Variants in THOC1 observed in about 807,000 individuals in gnomAD.
THOC1 encodes the protein THO complex subunit 1.
Under a neutral mutation model 97.3 loss-of-function variants are expected in THOC1, and 29 were observed. The ratio of observed to expected loss-of-function variants is 0.30; its 90% CI spans 0.22 to 0.41. The LOEUF is 0.41. Among genes scored for constraint, THOC1 ranks in the 10% least tolerant of loss-of-function variants. The probability of loss-of-function intolerance (pLI) is 1.00; values close to 1 mark genes in which losing one functional copy is unlikely to be tolerated. For synonymous variants in THOC1, 255 were observed against 257.0 expected, an observed-to-expected ratio of 0.99 and a Z score of 0.07; for missense variants, 529 against 761.9, an observed-to-expected ratio of 0.69 and a Z score of 3.60.
At position 242,523 on chromosome 18, in the gene THOC1, T is replaced by C. The variant is rs1911943699; in HGVS notation, c.918+3801A>G. 6.6e-6 allele frequency among the ~76,000 whole-genome samples: 1 copy of C among 152,166 alleles called. No individual in the cohort carries two copies. Among genetic ancestry groups the C allele is most frequent in the Admixed American group, 6.5e-5 (1 of 15,282 alleles). ...CTAAGGAAAAGTCTGACCAGATTCA[T>C]GTAACAAAACACAATGCTTCTGGAT... On this transcript the variant is annotated intron_variant, in intron 11 of 20. Coordinates refer to ENST00000261600, the MANE Select transcript of THOC1 (RefSeq NM_005131.3). The surrounding 1 kb of genome is among the most constrained non-coding windows in gnomAD (Gnocchi z 4.5).
intron 11 of THOC1, among the ~76,000 whole-genome samples, chr18:239,983 A>C (rs1409651088): frequency 2.2e-5 from 2 of 90,120 alleles, no homozygotes; most frequent in Non-Finnish European, 4.8e-5. Flanking sequence ...AAGGTCTATT[A>C]ACATTTAAAA....
In THOC1 at chr18:267,966, C is replaced by G. The variant is rs1355381559; in HGVS notation, c.54G>C (p.Thr18=). ...FSLPEARTRF[T]KSTREALNNK... The stretch of plus-strand genomic sequence containing the variant: ...CTGCACCCTCCCCTCTACAGCTCAC[C>G]GTAAACCGCGTCCGCGCTTCGGGCA... The change falls in exon 1 of 21, where the codon ACG becomes ACC. Residue 18 remains threonine (T), a splice_region_variant and synonymous_variant. Transcript: ENST00000261600. The G allele has an allele frequency of 6.2e-7, 1 of 1,611,790 alleles. No homozygotes were observed. The highest frequency in any genetic ancestry group is 8.5e-7 in the Non-Finnish European group (1 of 1,179,168).
At position 246,533 on chromosome 18, in the gene THOC1, G is replaced by T. The variant is rs1450740567; in HGVS notation, c.787-78C>A. On this transcript the variant is annotated intron_variant, in intron 10 of 20. Transcript: ENST00000261600. ...GTGCTTTTCTGCATCAAAATGCCTA[G>T]AATTTACTCCCAGTCAATCATGTAT... is the stretch of plus-strand genomic sequence containing the variant. 3.2e-6 allele frequency: 4 copies of T among 1,246,220 alleles called. No individual in the cohort carries two copies. In the African/African-American group the frequency reaches 6.1e-5, roughly 19 times the overall value. 77.2% of individuals were successfully genotyped at this position (1,246,220 alleles called of 1,614,324 possible). A position where few individuals can be genotyped will look rare whatever the true frequency, so the allele number is the denominator to read the frequency against.
At position 214,594 on chromosome 18, in the gene THOC1, C is replaced by T; in HGVS notation, c.*32G>A. 6.4e-7 allele frequency: 1 copy of T among 1,553,724 alleles called. No homozygotes were observed. The highest frequency in any genetic ancestry group is 8.7e-7 in the Non-Finnish European group (1 of 1,144,148). ...AATGCTGCTTGGTAACAAAATCTATCACAGTTTTAATAAAAAGAAAAAAAA... is the reference window on the plus strand; with the variant it reads ...AATGCTGCTTGGTAACAAAATCTATTACAGTTTTAATAAAAAGAAAAAAAA... On this transcript the variant is annotated 3_prime_UTR_variant, in exon 21 of 21. Transcript: ENST00000261600.
rs36101469 is a variant in THOC1, at chr18:246,916, CAA to C, written c.787-463_787-462del. Among the ~76,000 whole-genome samples the C allele has an allele frequency of 7.4e-3, 725 of 98,176 alleles. 2 individuals carry two copies. The highest frequency in any genetic ancestry group is 0.012 in the African/African-American group (312 of 26,916). The allele number at this position is 98,176 out of a possible 152,430, so 64.4% of individuals were successfully genotyped here. On this transcript the variant is annotated intron_variant, in intron 10 of 20. Transcript: ENST00000261600. ...CCCTTGAACCTGGGAGGCTCCGTCT[CAA>C]AAAAAAAAAAAAAAAAAACGAAGAA... is the stretch of plus-strand genomic sequence containing the variant.
intron 1 of THOC1, among the ~76,000 whole-genome samples, chr18:266,783 C>T (rs1912783096): frequency 6.6e-6 from 1 of 152,088 alleles, no homozygotes; most frequent in African/African-American, 2.4e-5. Context: ...GTGATCCGCC[C>T]GCCTCGGCCT....
At position 216,640 on chromosome 18, in the gene THOC1, AAAG is replaced by A; in HGVS notation, c.1455-10_1455-8del. ...ATTTGAATTGTTCACAGCCCTATAA[AAAG>A]AGGTGTCAGGCTTGTAATTTATAGC... is the stretch of plus-strand genomic sequence containing the variant. On this transcript the variant is annotated splice_polypyrimidine_tract_variant and splice_region_variant and intron_variant, in intron 18 of 20. Transcript: ENST00000261600. The A allele has an allele frequency of 6.2e-7, 1 of 1,609,308 alleles. No individual in the cohort carries two copies. The highest frequency in any genetic ancestry group is 8.5e-7 in the Non-Finnish European group (1 of 1,177,848).
intron 10 of THOC1, among the ~76,000 whole-genome samples, chr18:247,023 T>C (rs1004582834): frequency 1.3e-5 from 2 of 151,828 alleles, no homozygotes; most frequent in East Asian, 1.9e-4. Context: ...ACCAGTGAAA[T>C]TGTTTAACCA....
rs553617962 is a variant in THOC1 at position 243,812 on chromosome 18, G to C, written c.918+2512C>G. Among the ~76,000 whole-genome samples, 5 of 152,176 alleles carry C rather than the reference G, an allele frequency of 3.3e-5. No homozygotes were observed. The South Asian group carries it at 1.0e-3, about 32-fold the overall frequency. ...TTTTGAATTCTTTAGTTAACCAAAA[G>C]GTTTCTATATTTGTTTCATTTAAAT... On this transcript the variant is annotated intron_variant, in intron 11 of 20. Transcript: ENST00000261600.
intron 1 of THOC1, among the ~76,000 whole-genome samples, chr18:266,396 G>C (rs903658344): frequency 6.6e-6 from 1 of 152,086 alleles, no homozygotes; most frequent in Non-Finnish European, 1.5e-5. Flanking sequence ...AGCTACAGTG[G>C]CATCACCTAG....
chr18:265,641 G>T, intron 1 of THOC1, 111 bp from the exon 2 acceptor site: 1 of 781,482 alleles, frequency 1.3e-6, no homozygotes, highest in Non-Finnish European at 2.0e-6. Context: ...GCTTATACCT[G>T]GGAAAAATTA....
rs751229459 is a variant in THOC1 at position 268,016 on chromosome 18, A to T, written c.4T>A (p.Ser2Thr). 8.1e-6 allele frequency: 13 copies of T among 1,601,932 alleles called. No individual in the cohort carries two copies. Among genetic ancestry groups the T allele is most frequent in the Non-Finnish European group, 1.7e-6 (2 of 1,174,392 alleles). MSPTPPLFSLPE... is the reference protein window; with the variant it reads MTPTPPLFSLPE... ...AAACTGAAGAGCGGCGGCGTCGGAG[A>T]CATCTTCTCGGCTGCGCGTGCCCGC... The change falls in exon 1 of 21, where the codon TCT becomes ACT. Residue 2 changes from serine (S) to threonine (T), a missense_variant. Coordinates refer to ENST00000261600, the MANE Select transcript of THOC1 (RefSeq NM_005131.3).
intron 12 of THOC1, 115 bp from the exon 13 acceptor site, chr18:225,518 T>C (rs1267536294): frequency 1.6e-5 from 13 of 792,720 alleles, no homozygotes; most frequent in Non-Finnish European, 2.2e-5. Flanking sequence ...GTGTCAAAAA[T>C]TACCAAGACA....
intron 1 of THOC1, among the ~76,000 whole-genome samples, chr18:266,826 T>G (rs1251739595): frequency 6.6e-6 from 1 of 152,166 alleles, no homozygotes; most frequent in African/African-American, 2.4e-5. Context: ...CGTGAGCCAC[T>G]GCGCCCGGCC....
intron 9 of THOC1, among the ~76,000 whole-genome samples, chr18:250,638 TGGG>T (rs1912249073): frequency 6.6e-6 from 1 of 152,202 alleles, no homozygotes; most frequent in Non-Finnish European, 1.5e-5. Flanking sequence ...TGTAGGTAGA[TGGG>T]TAATGAGTTC....
Position 224,277 on chromosome 18 carries a change from T to C in THOC1, c.1209-98A>G, listed in dbSNP as rs983470286. On this transcript the variant is annotated intron_variant, in intron 15 of 20. Transcript: ENST00000261600. ...AAAGAAAATTTAGTTATTGTTTTCC[T>C]CTTAAAAAAGATGAAAACTGGCTGG... The C allele has an allele frequency of 3.0e-6, 3 of 1,009,138 alleles. No individual in the cohort carries two copies. The African/African-American group carries it at 4.8e-5, about 16-fold the overall frequency. 62.5% of individuals were successfully genotyped at this position (1,009,138 alleles called of 1,614,324 possible).
intron 12 of THOC1, chr18:226,168 C>T (rs1911278353): frequency 6.6e-6 from 1 of 152,270 alleles, no homozygotes. Context: ...AAGAGCTGCA[C>T]TGCAGCCAGC....
At position 242,012 on chromosome 18, in the gene THOC1, T is replaced by C. The variant is rs569370285; in HGVS notation, c.918+4312A>G. On this transcript the variant is annotated intron_variant, in intron 11 of 20. Transcript: ENST00000261600. This position sits in a 1 kb window ranked among gnomAD's most constrained non-coding sequence, Gnocchi z 4.5. The stretch of plus-strand genomic sequence containing the variant: ...AAAAGGGAACTATACTGTTGGGCAC[T>C]AGTATTCAGAATCACACTCCAGGTA... Among the ~76,000 whole-genome samples, 2 of 152,326 alleles carry C rather than the reference T, an allele frequency of 1.3e-5. No homozygotes were observed. The highest frequency in any genetic ancestry group is 6.5e-5 in the Admixed American group (1 of 15,300).
chr18:266,081 G>C (rs940714112), intron 1 of THOC1, among the ~76,000 whole-genome samples: 1 of 152,180 alleles, frequency 6.6e-6, no homozygotes, highest in East Asian at 1.9e-4. Context: ...CCTCCTGGAG[G>C]TATCTTGTTC....
Sources: gnomAD v4.1 joint callset for allele counts (sites outside exome capture counted in the v4.1 genomes callset) on GRCh38, gnomAD v4.1.1 for gene constraint, Gnocchi (gnomAD v3.1) non-coding constraint, MANE v1.5 for transcripts, NCBI Gene and HGNC (gene_info 2026-07-23, HGNC 2026-07-21) for gene names.